Variants in CHL1 observed in about 807,000 individuals in gnomAD.
CHL1 encodes cell adhesion molecule L1 like.
CHL1 carries 96 observed loss-of-function variants against 141.9 expected under a neutral mutation model. The observed-to-expected ratio is 0.68, with a 90% confidence interval of 0.57 to 0.80. The LOEUF is 0.80. Ranked by LOEUF, CHL1 falls within the 30% of genes least tolerant of loss-of-function variation. CHL1 has a pLI of 0.00. For synonymous variants in CHL1, 613 were observed against 502.2 expected, an observed-to-expected ratio of 1.22 and a Z score of -2.95; for missense variants, 1,820 against 1,457.2, an observed-to-expected ratio of 1.25 and a Z score of -4.05.
At chr3:258,836 C>G (rs766511843) in intron 2 of CHL1, among the ~76,000 whole-genome samples, 1 of 151,028 alleles carries the variant, frequency 6.6e-6, no homozygotes, top group Admixed American at 6.6e-5. Context: ...AACTTTTTGG[C>G]AATTTCATCA....
intron 8 of CHL1, among the ~76,000 whole-genome samples, chr3:343,483 A>G (rs1702506338): frequency 6.6e-6 from 1 of 152,190 alleles, no homozygotes; most frequent in South Asian, 2.1e-4. Context: ...CTTTCTGAGA[A>G]AAAAACAGTT....
chr3:349,619 A>C (rs1703074064), intron 10 of CHL1, 76 bp downstream of exon 10: 5 of 1,242,698 alleles, frequency 4.0e-6, no homozygotes, highest in Admixed American at 4.4e-5. Context: ...CTTGCTTCTA[A>C]ATCATACATG....
rs1203167442 is a variant in CHL1, at chr3:220,986, C to G, written c.-174-23627C>G. Among the ~76,000 whole-genome samples, 5 of 152,196 alleles carry G rather than the reference C, an allele frequency of 3.3e-5. No individual in the cohort carries two copies. The East Asian group carries it at 5.8e-4, about 18-fold the overall frequency. On this transcript the variant is annotated intron_variant, in intron 1 of 27. Transcript: ENST00000256509. The stretch of plus-strand genomic sequence containing the variant: ...CCTTGGTCTCCACAACCATCCTTAT[C>G]TTAACCAAGACACTCCCTTCTATCG...
intron 10 of CHL1, 96 bp downstream of exon 10, chr3:349,639 G>A (rs1703077255): frequency 9.5e-7 from 1 of 1,052,676 alleles, no homozygotes; most frequent in Non-Finnish European, 1.4e-6. Context: ...GTTAAAACAG[G>A]TCAGCAGTTT....
intron 4 of CHL1, among the ~76,000 whole-genome samples, chr3:326,498 T>C (rs911752922): frequency 1.3e-5 from 2 of 152,012 alleles, no homozygotes; most frequent in African/African-American, 4.8e-5. Flanking sequence ...AGGTTGTTAC[T>C]TGATTTTTTT....
chr3:292,066 C>A (rs578025245), intron 2 of CHL1, among the ~76,000 whole-genome samples: 1 of 152,144 alleles, frequency 6.6e-6, no homozygotes, highest in Non-Finnish European at 1.5e-5. Context: ...TGTTAGAAAC[C>A]GCCTATTATT....
At chr3:349,311 A>T (rs767940659) in intron 9 of CHL1, 48 bp from the exon 10 acceptor site, 161 of 1,489,516 alleles carry the variant, frequency 1.1e-4, no homozygotes, top group Non-Finnish European at 1.4e-4. Flanking sequence ...TTTGTATTTT[A>T]CTTTCCGCTT....
At chr3:287,444 G>T (rs1278363716) in intron 2 of CHL1, among the ~76,000 whole-genome samples, 1 of 152,092 alleles carries the variant, frequency 6.6e-6, no homozygotes, top group African/African-American at 2.4e-5. Flanking sequence ...ATAAATTTGT[G>T]CTGAGACACG....
At chr3:313,098 A>G (rs1353087737) in intron 2 of CHL1, among the ~76,000 whole-genome samples, 1 of 152,076 alleles carries the variant, frequency 6.6e-6, no homozygotes, top group African/African-American at 2.4e-5. Flanking sequence ...GGCTGTGTGC[A>G]TTCCATGTTG....
intron 1 of CHL1, among the ~76,000 whole-genome samples, chr3:213,017 GAAA>G (rs1357399173): frequency 6.6e-6 from 1 of 152,152 alleles, no homozygotes; most frequent in Non-Finnish European, 1.5e-5. Context: ...GGCAAACAAT[GAAA>G]AGTAAGAGCA....
At chr3:237,783 G>A (rs1299877708) in intron 1 of CHL1, among the ~76,000 whole-genome samples, 1 of 152,006 alleles carries the variant, frequency 6.6e-6, no homozygotes, top group Non-Finnish European at 1.5e-5. Context: ...CATATAATCT[G>A]TCTTCAACTG....
chr3:379,044 C>T (rs1334404944), intron 16 of CHL1, among the ~76,000 whole-genome samples: 2 of 152,086 alleles, frequency 1.3e-5, no homozygotes, highest in African/African-American at 4.8e-5. Context: ...TTTGCCTACC[C>T]TTCTTTATCA....
rs538657108 is a variant in CHL1 at position 282,149 on chromosome 3, A to G, written c.-95+37457A>G. 9.2e-5 allele frequency among the ~76,000 whole-genome samples: 14 copies of G among 152,246 alleles called. 1 individual carries two copies. The highest frequency in any genetic ancestry group is 8.5e-4 in the Admixed American group (13 of 15,294). ...ACCTTGTTTCTTTTGTTGTAGCTTT[A>G]AAACTATTTTCTTAGTATCTGTTCT... On this transcript the variant is annotated intron_variant, in intron 2 of 27. Transcript: ENST00000256509.
intron 2 of CHL1, among the ~76,000 whole-genome samples, chr3:294,528 C>T (rs1698005820): frequency 6.6e-6 from 1 of 152,304 alleles, no homozygotes; most frequent in African/African-American, 2.4e-5. Context: ...ACCAAGATCC[C>T]TCACAATGTG....
In CHL1 at chr3:399,118, G is replaced by T. The variant is rs758257389; in HGVS notation, c.3355G>T (p.Val1119Leu). Reference sequence around the variant, plus strand: ...ACTACTATTATTAACTGTTTGCTTTGTGAAGAGGAATAGAGGTGGAAAGTA... The same window carrying T: ...ACTACTATTATTAACTGTTTGCTTTTTGAAGAGGAATAGAGGTGGAAAGTA... Reference protein sequence around the residue: ...LTLLLLTVCFVKRNRGGKYSV... With the variant: ...LTLLLLTVCFLKRNRGGKYSV... The change falls in exon 26 of 28, where the codon GTG becomes TTG. Residue 1119 changes from valine to leucine, a missense_variant. Val to Leu is a conservative substitution (Grantham distance 32). Transcript: ENST00000256509. The T allele has an allele frequency of 1.6e-5, 25 of 1,611,050 alleles. No individual in the cohort carries two copies. The Middle Eastern group carries it at 5.0e-4, about 32-fold the overall frequency.
At chr3:222,188 G>C (rs1168452536) in intron 1 of CHL1, among the ~76,000 whole-genome samples, 1 of 152,116 alleles carries the variant, frequency 6.6e-6, no homozygotes, top group Non-Finnish European at 1.5e-5. Context: ...TTTTCTGTTA[G>C]AGATCTGAAG....
chr3:235,084 A>T (rs1160148802), intron 1 of CHL1, among the ~76,000 whole-genome samples: 1 of 151,940 alleles, frequency 6.6e-6, no homozygotes, highest in Non-Finnish European at 1.5e-5. Flanking sequence ...TACATGTGCC[A>T]TGCTGGTGCG....
At chr3:368,330 G>T (rs761458141) in intron 15 of CHL1, among the ~76,000 whole-genome samples, 1 of 152,102 alleles carries the variant, frequency 6.6e-6, no homozygotes, top group African/African-American at 2.4e-5. Flanking sequence ...GTTTTCATTT[G>T]CATCTCTCTG....
At chr3:332,481 G>A (rs563775350) in intron 5 of CHL1, among the ~76,000 whole-genome samples, 1 of 152,214 alleles carries the variant, frequency 6.6e-6, no homozygotes, top group East Asian at 1.9e-4. Flanking sequence ...TTGTAAAATG[G>A]GTAGTAAGTG....
Sources: allele counts gnomAD v4.1 joint callset (sites outside exome capture counted in the v4.1 genomes callset), GRCh38; gene constraint gnomAD v4.1.1; transcripts MANE v1.5; gene names NCBI Gene and HGNC (gene_info 2026-07-23, HGNC 2026-07-21).